Variants in IL1RL2 observed in about 807,000 individuals in gnomAD.
The protein encoded by IL1RL2 is interleukin 1 receptor like 2.
Under a neutral mutation model 66.8 loss-of-function variants are expected in IL1RL2, and 68 were observed. The observed-to-expected ratio is 1.02, with a 90% CI of 0.84 to 1.25. IL1RL2 has a LOEUF of 1.25. Among genes scored for constraint, IL1RL2 ranks in the 50% most tolerant of loss-of-function variants. IL1RL2 has a pLI of 0.00. For missense variants in IL1RL2, 729 were observed against 709.3 expected, an observed-to-expected ratio of 1.03 and a Z score of -0.32; for synonymous variants, 305 against 264.6, an observed-to-expected ratio of 1.15 and a Z score of -1.48.
chr2:102,236,406 G>A (rs2287041), intron 11 of IL1RL2, among the ~76,000 whole-genome samples: 1 of 151,866 alleles, frequency 6.6e-6, no homozygotes, highest in East Asian at 1.9e-4. Context: ...CAGGCGATGG[G>A]TGGTACCCAG....
At chr2:102,207,032 C>T (rs1429774986) in intron 5 of IL1RL2, among the ~76,000 whole-genome samples, 1 of 152,216 alleles carries the variant, frequency 6.6e-6, no homozygotes, top group Non-Finnish European at 1.5e-5. Context: ...AGTGCCACAG[C>T]CGGCCACAAG....
In IL1RL2 at chr2:102,208,461, G is replaced by C. The variant is rs1175429365; in HGVS notation, c.650-3639G>C. Among the ~76,000 whole-genome samples, 3 of 152,242 alleles carry C rather than the reference G, an allele frequency of 2.0e-5. No individual in the cohort carries two copies. The East Asian group carries it at 5.8e-4, about 29-fold the overall frequency. ...TTTTTCCAAACACACTGGACAAGGA[G>C]TTCCTGCTGTGGTGGCTTTTGCTCT... is the stretch of plus-strand genomic sequence containing the variant. On this transcript the variant is annotated intron_variant, in intron 5 of 11. Transcript: ENST00000264257.
chr2:102,237,854 T>C (rs1289758529), intron 11 of IL1RL2, among the ~76,000 whole-genome samples: 1 of 152,106 alleles, frequency 6.6e-6, no homozygotes, highest in Non-Finnish European at 1.5e-5. Flanking sequence ...AGGTAGTTTA[T>C]GGGAACGCTG....
chr2:102,213,906 C>T (rs1164686364), intron 6 of IL1RL2, among the ~76,000 whole-genome samples: 3 of 152,044 alleles, frequency 2.0e-5, no homozygotes, highest in Non-Finnish European at 4.4e-5. Context: ...CAAATCTAAT[C>T]CCCAAAGTGC....
chr2:102,240,971 G>A (rs1675214468), downstream of IL1RL2, among the ~76,000 whole-genome samples: 1 of 152,274 alleles, frequency 6.6e-6, no homozygotes, highest in African/African-American at 2.4e-5. Flanking sequence ...GGCAAACAAG[G>A]ACTTCGGTGC....
downstream of IL1RL2, among the ~76,000 whole-genome samples, chr2:102,240,867 G>A (rs1675211681): frequency 6.6e-6 from 1 of 152,242 alleles, no homozygotes; most frequent in Non-Finnish European, 1.5e-5. Flanking sequence ...ACATCAAGAG[G>A]AAAAGAAAGC....
chr2:102,233,489 A>T (rs1176600775), intron 10 of IL1RL2, among the ~76,000 whole-genome samples: 1 of 152,182 alleles, frequency 6.6e-6, no homozygotes, highest in African/African-American at 2.4e-5. Context: ...CCCTGAGATG[A>T]ACTGCTGGGT....
intron 6 of IL1RL2, among the ~76,000 whole-genome samples, chr2:102,215,111 A>T (rs1289555720): frequency 1.3e-5 from 2 of 149,320 alleles, no homozygotes; most frequent in Non-Finnish European, 3.0e-5. Flanking sequence ...TACCACAGAC[A>T]CCTGCAGTTC....
chr2:102,193,554 G>C (rs930841857), intron 4 of IL1RL2, among the ~76,000 whole-genome samples: 5 of 152,118 alleles, frequency 3.3e-5, no homozygotes, highest in African/African-American at 1.2e-4. Context: ...ATCTTGCTAT[G>C]ATGCCCAGAC....
chr2:102,190,185 G>A (rs1292158948), intron 3 of IL1RL2, among the ~76,000 whole-genome samples: 1 of 152,146 alleles, frequency 6.6e-6, no homozygotes, highest in Non-Finnish European at 1.5e-5. Context: ...TGTCTATTCA[G>A]GTCAAGCCCA....
Position 102,237,640 on chromosome 2 carries a change from C to T in IL1RL2, c.1679-1552C>T, listed in dbSNP as rs536292450. On this transcript the variant is annotated intron_variant, in intron 11 of 11. Coordinates refer to ENST00000264257, the MANE Select transcript of IL1RL2 (RefSeq NM_003854.4). ...CGACTCTCATGTTGGAGAGAGAAAT[C>T]GAGATGCAAAGAAACTTTTTAAAGT... Among the ~76,000 whole-genome samples, 11 of 152,246 alleles carry T rather than the reference C, an allele frequency of 7.2e-5. No individual in the cohort carries two copies. The South Asian group carries it at 1.7e-3, about 23-fold the overall frequency.
chr2:102,236,322 G>A (rs778356971), intron 11 of IL1RL2, among the ~76,000 whole-genome samples: 6 of 152,168 alleles, frequency 3.9e-5, no homozygotes, highest in Non-Finnish European at 7.3e-5. Context: ...GGGAGCCAGA[G>A]GGTGTCAGGA....
At chr2:102,214,488 G>A (rs1689437231) in intron 6 of IL1RL2, among the ~76,000 whole-genome samples, 1 of 152,002 alleles carries the variant, frequency 6.6e-6, no homozygotes, top group Non-Finnish European at 1.5e-5. Context: ...GAAATTAGGA[G>A]GACTTGCCTA....
At chr2:102,211,506 T>G (rs1171736285) in intron 5 of IL1RL2, among the ~76,000 whole-genome samples, 3 of 152,198 alleles carry the variant, frequency 2.0e-5, no homozygotes, top group Non-Finnish European at 4.4e-5. Flanking sequence ...TCATCCAACT[T>G]TGACAATTAT....
chr2:102,212,618 C>T (rs866609002), intron 6 of IL1RL2, among the ~76,000 whole-genome samples: 6 of 152,066 alleles, frequency 3.9e-5, no homozygotes, highest in African/African-American at 9.7e-5. Context: ...ATAAGCATTG[C>T]CTCAATTTGT....
At chr2:102,218,593 T>C (rs1487055308) in intron 6 of IL1RL2, among the ~76,000 whole-genome samples, 1 of 152,228 alleles carries the variant, frequency 6.6e-6, no homozygotes, top group African/African-American at 2.4e-5. Context: ...CCTCCCCTTT[T>C]CCTGCCTTGT....
intron 5 of IL1RL2, among the ~76,000 whole-genome samples, chr2:102,203,867 TG>T (rs1688477805): frequency 6.6e-6 from 1 of 152,258 alleles, no homozygotes; most frequent in African/African-American, 2.4e-5. Context: ...ACCAACTTTT[TG>T]TTTCATTGAT....
chr2:102,235,716 T>C, intron 11 of IL1RL2: 4 of 985,390 alleles, frequency 4.1e-6, no homozygotes, highest in Non-Finnish European at 4.8e-6. Context: ...TTGGCAAGGA[T>C]AGCAGTATTT....
rs2104829503 is a variant in IL1RL2 at position 102,218,846 on chromosome 2, A to G, written c.725-107A>G. 3.2e-6 allele frequency: 3 copies of G among 942,112 alleles called. No homozygotes were observed. In the South Asian group the frequency reaches 4.9e-5, roughly 15 times the overall value. The allele number at this position is 942,112 out of a possible 1,614,324, so 58.4% of individuals were successfully genotyped here. A position where few individuals can be genotyped will look rare whatever the true frequency, so the allele number is the denominator to read the frequency against. ...CCTAGGGGGCTATTTCTGGTAATCAAAAGGTATTCGAGGCTCGAGAGTACG... is the reference window on the plus strand; with the variant it reads ...CCTAGGGGGCTATTTCTGGTAATCAGAAGGTATTCGAGGCTCGAGAGTACG... On this transcript the variant is annotated intron_variant, in intron 6 of 11. Transcript: ENST00000264257.
Sources: allele counts gnomAD v4.1 joint callset (sites outside exome capture counted in the v4.1 genomes callset), GRCh38; gene constraint gnomAD v4.1.1; transcripts MANE v1.5; gene names NCBI Gene and HGNC (gene_info 2026-07-23, HGNC 2026-07-21).